Variants in NCOA4 observed in about 807,000 individuals in gnomAD.
NCOA4 encodes the protein nuclear receptor coactivator 4, also known as 70 kDa AR-activator.
Under a neutral mutation model 69.5 loss-of-function variants are expected in NCOA4, and 31 were observed. That is an observed-to-expected ratio of 0.45 (90% CI 0.34 to 0.60). The LOEUF (loss-of-function observed/expected upper bound fraction) is 0.60. NCOA4 is among the 20% of genes least tolerant of loss of function. NCOA4 has a pLI of 0.02. For synonymous variants in NCOA4, 228 were observed against 252.4 expected, an observed-to-expected ratio of 0.90 and a Z score of 0.92; for missense variants, 600 against 719.2, an observed-to-expected ratio of 0.83 and a Z score of 1.90.
chr10:46,011,428 C>G (rs898362432), intron 7 of NCOA4, among the ~76,000 whole-genome samples: 11 of 126,186 alleles, frequency 8.7e-5, no homozygotes, highest in Non-Finnish European at 1.9e-4. Flanking sequence ...CCACCACGCC[C>G]AGCTAATTTT....
At chr10:46,014,305 C>A (rs782420683) in intron 5 of NCOA4, 139 bp downstream of exon 5, 3 of 645,606 alleles carry the variant, frequency 4.6e-6, no homozygotes, top group Non-Finnish European at 8.0e-6. Flanking sequence ...GCGTGAGCCA[C>A]CACGCCCAGC....
rs781997582 is a variant in NCOA4, at chr10:46,010,995, T to C, written c.926A>G (p.Gln309Arg). ...MDLSDWLVTP[Q>R]ESHKLRKPEN... ...AGGCTTCCGCAGCTTATGGGATTCC[T>C]GGGGAGTCACTAGCCAATCTGATAG... The change falls in exon 8 of 10, where the codon CAG (glutamine) becomes CGG (arginine). Residue 309 changes from glutamine (Q) to arginine (R), a missense_variant. Coordinates refer to ENST00000581486, the MANE Select transcript of NCOA4 (RefSeq NM_001145263.2). 8 of 1,613,990 alleles carry C rather than the reference T, an allele frequency of 5.0e-6. No individual in the cohort carries two copies. Among genetic ancestry groups the C allele is most frequent in the Non-Finnish European group, 5.9e-6 (7 of 1,179,876 alleles).
rs1260896863 is a variant in NCOA4 at position 46,012,869 on chromosome 10, AAGC to A, written c.714+11_714+13del. ...GCTGTGTCTACTGTAGAAACAATAA[AAGC>A]AGCAACAGACCTGACTGTTCTCCAA... On this transcript the variant is annotated intron_variant, in intron 7 of 9. Coordinates refer to ENST00000581486, the MANE Select transcript of NCOA4 (RefSeq NM_001145263.2). 5.6e-6 allele frequency: 9 copies of A among 1,613,600 alleles called. No homozygotes were observed. In the African/African-American group the frequency reaches 1.2e-4, roughly 22 times the overall value.
chr10:46,006,938 C>A (rs1382618242), intron 9 of NCOA4, among the ~76,000 whole-genome samples: 1 of 152,192 alleles, frequency 6.6e-6, no homozygotes, highest in African/African-American at 2.4e-5. Flanking sequence ...CCATCTCTCA[C>A]TCTTCTTTAA....
intron 1 of NCOA4, chr10:46,023,346 C>A (rs184212135): frequency 1.6e-3 from 1,560 of 985,644 alleles, no homozygotes; most frequent in Non-Finnish European, 1.8e-3. Flanking sequence ...GGCCAGGTCA[C>A]CGACTCACCA....
chr10:46,008,552 T>C (rs1439260585), intron 9 of NCOA4, among the ~76,000 whole-genome samples: 2 of 152,230 alleles, frequency 1.3e-5, no homozygotes, highest in Admixed American at 6.5e-5. Flanking sequence ...GGATGAGCAG[T>C]TGCTTCTTAC....
chr10:46,006,618 A>G lies in NCOA4; in HGVS notation c.1840-21T>C. 4 of 1,613,936 alleles carry G rather than the reference A, an allele frequency of 2.5e-6. 1 individual carries two copies. The South Asian group carries it at 4.4e-5, about 18-fold the overall frequency. ...CACATCTGTAAAGAGACACCCACAG[A>G]TGATAAGTTACTTCAATGAAGAATA... On this transcript the variant is annotated intron_variant, in intron 9 of 9. Transcript: ENST00000581486.
intron 1 of NCOA4, among the ~76,000 whole-genome samples, chr10:46,024,283 T>C (rs1840045829): frequency 6.6e-6 from 1 of 152,250 alleles, no homozygotes; most frequent in Non-Finnish European, 1.5e-5. Context: ...TGTACTAATT[T>C]ACATCAATGG....
intron 8 of NCOA4, among the ~76,000 whole-genome samples, chr10:46,009,935 G>A (rs1219668411): frequency 2.7e-5 from 4 of 150,608 alleles, no homozygotes; most frequent in African/African-American, 1.0e-4. Flanking sequence ...AGGAGACCAA[G>A]ACGGGCAGAT....
chr10:46,014,414 G>A (rs1839412589), intron 5 of NCOA4, 30 bp downstream of exon 5: 1 of 1,478,724 alleles, frequency 6.8e-7, no homozygotes. Flanking sequence ...GATATGAGAA[G>A]TGCCCAGTGA....
intron 9 of NCOA4, among the ~76,000 whole-genome samples, chr10:46,007,040 G>C (rs1554919973): frequency 2.0e-5 from 3 of 152,194 alleles, no homozygotes. Context: ...GACCAGCCAA[G>C]CTGTGAGCAC....
Position 46,010,495 on chromosome 10 carries a change from C to CCTTTGGTG in NCOA4, c.1418_1425dup (p.Ala476HisfsTer5). ...TCAGCAATTCTAGAAGGAGTCATTG[C>CCTTTGGTG]CTTTGGTGCTTTAGTTTGTTCTATT... is the stretch of plus-strand genomic sequence containing the variant. On this transcript the variant is annotated frameshift_variant, in exon 8 of 10. Transcript: ENST00000581486. LOFTEE classifies it high-confidence loss of function. 6.2e-7 allele frequency: 1 copy of CCTTTGGTG among 1,614,200 alleles called. No individual in the cohort carries two copies. The highest frequency in any genetic ancestry group is 8.5e-7 in the Non-Finnish European group (1 of 1,180,042).
chr10:46,010,387 G>C lies in NCOA4; in HGVS notation c.1534C>G (p.Pro512Ala). The C allele has an allele frequency of 6.2e-7, 1 of 1,614,126 alleles. No individual in the cohort carries two copies. The highest frequency in any genetic ancestry group is 8.5e-7 in the Non-Finnish European group (1 of 1,180,012). ...TTGCCAGCTCTGTCTTCAGTACCAGGCACTTCCTTGGGACTTCCTTCTTTG... is the reference window on the plus strand; with the variant it reads ...TTGCCAGCTCTGTCTTCAGTACCAGCCACTTCCTTGGGACTTCCTTCTTTG... ...PYKEGSPKEV[P>A]GTEDRAGKQK... Residue 512 changes from proline to alanine, a missense_variant, in exon 8 of 10, where the codon CCT (proline) becomes GCT (alanine). Physicochemically the swap from Pro to Ala is conservative, Grantham distance 27 (BLOSUM62 -1). Transcript: ENST00000581486.
At chr10:46,020,132 C>T (rs1554924074) in intron 1 of NCOA4, among the ~76,000 whole-genome samples, 1 of 152,188 alleles carries the variant, frequency 6.6e-6, no homozygotes, top group Non-Finnish European at 1.5e-5. Flanking sequence ...AATGTTACAT[C>T]CAAAGAGACT....
At chr10:46,019,822 T>A (rs1397910318) in intron 1 of NCOA4, among the ~76,000 whole-genome samples, 1 of 151,966 alleles carries the variant, frequency 6.6e-6, no homozygotes, top group Non-Finnish European at 1.5e-5. Context: ...TTAAAAGGAG[T>A]GTTATCCTTC....
intron 1 of NCOA4, among the ~76,000 whole-genome samples, chr10:46,016,994 TAAAAG>T (rs1839600850): frequency 6.6e-6 from 1 of 152,216 alleles, no homozygotes; most frequent in Non-Finnish European, 1.5e-5. Flanking sequence ...CCTGAAAAGT[TAAAAG>T]AACATTAGAA....
In NCOA4 at chr10:46,011,144, G is replaced by C; in HGVS notation, c.777C>G (p.Asn259Lys). Residue 259 changes from asparagine (N) to lysine (K), a missense_variant, in exon 8 of 10, where the codon AAC (asparagine) becomes AAG (lysine). Physicochemically the swap from Asn to Lys is moderately conservative, Grantham distance 94 (BLOSUM62 0). Coordinates refer to ENST00000581486, the MANE Select transcript of NCOA4 (RefSeq NM_001145263.2). ...NVGGNLKGLE[N>K]WLLKSEKSSY... Reference sequence around the variant, plus strand: ...TTGATTTTTCACTCTTGAGGAGCCAGTTTTCTAAGCCCTTTAGGTTTCCCC... The same window carrying C: ...TTGATTTTTCACTCTTGAGGAGCCACTTTTCTAAGCCCTTTAGGTTTCCCC... 2 of 1,612,532 alleles carry C rather than the reference G, an allele frequency of 1.2e-6. No individual in the cohort carries two copies. Among genetic ancestry groups the C allele is most frequent in the African/African-American group, 1.3e-5 (1 of 74,902 alleles).
In NCOA4 at chr10:46,006,348, G is replaced by T; in HGVS notation, c.*244C>A. 1.9e-6 allele frequency: 1 copy of T among 531,370 alleles called. No individual in the cohort carries two copies. Among genetic ancestry groups the T allele is most frequent in the Non-Finnish European group, 3.4e-6 (1 of 294,788 alleles). The allele number at this position is 531,370 out of a possible 1,614,324, so 32.9% of individuals were successfully genotyped here. A position where few individuals can be genotyped will look rare whatever the true frequency, so the allele number is the denominator to read the frequency against. ...AGATGCTGCATTTCTAGTGTGGGGT[G>T]AATTAAAATACTTCTGTAAGAAGGA... is the stretch of plus-strand genomic sequence containing the variant. On this transcript the variant is annotated 3_prime_UTR_variant, in exon 10 of 10. Coordinates refer to ENST00000581486, the MANE Select transcript of NCOA4 (RefSeq NM_001145263.2).
At chr10:46,022,642 T>A (rs1839949720) in intron 1 of NCOA4, 1 of 326,376 alleles carries the variant, frequency 3.1e-6, no homozygotes, top group Non-Finnish European at 6.3e-6. Flanking sequence ...TTTTTTTGTA[T>A]TTTTAGTAGA....
Sources: gnomAD v4.1 joint callset for allele counts (sites outside exome capture counted in the v4.1 genomes callset) on GRCh38, gnomAD v4.1.1 for gene constraint, MANE v1.5 for transcripts, NCBI Gene and HGNC (gene_info 2026-07-23, HGNC 2026-07-21) for gene names.